TMC7: variants seen among roughly 807,000 people sequenced by gnomAD.
TMC7 encodes the protein transmembrane channel like 7.
Under a neutral mutation model 82.9 loss-of-function variants are expected in TMC7, and 54 were observed. The ratio of observed to expected loss-of-function variants is 0.65; its 90% CI spans 0.52 to 0.82. TMC7 has a LOEUF of 0.82. Among genes scored for constraint, TMC7 ranks in the 40% least tolerant of loss-of-function variants. The pLI is 0.00. For synonymous variants in TMC7, 350 were observed against 337.9 expected (o/e 1.04, Z -0.39); for missense variants, 820 against 901.2 (o/e 0.91, Z 1.15).
Position 19,050,366 on chromosome 16 carries a change from C to CAA in TMC7, c.1741-1295_1741-1294dup, listed in dbSNP as rs71143824. On this transcript the variant is annotated intron_variant, in intron 12 of 15. Coordinates refer to ENST00000304381, the MANE Select transcript of TMC7 (RefSeq NM_024847.4). ...TGGGAGACAGAGCGAGATTCCGTCT[C>CAA]AAAAAAAAAAAAAAAAAAAAAAAAA... Among the ~76,000 whole-genome samples, 109 of 83,040 alleles carry CAA rather than the reference C, an allele frequency of 1.3e-3. 4 individuals are homozygous for CAA. Among genetic ancestry groups the CAA allele is most frequent in the African/African-American group, 5.2e-3 (103 of 19,768 alleles). The allele number at this position is 83,040 out of a possible 152,430, so 54.5% of individuals were successfully genotyped here. A position where few individuals can be genotyped will look rare whatever the true frequency, so the allele number is the denominator to read the frequency against.
intron 1 of TMC7, among the ~76,000 whole-genome samples, chr16:19,003,328 A>G (rs1231566446): frequency 6.6e-6 from 1 of 152,194 alleles, no homozygotes; most frequent in East Asian, 1.9e-4. Context: ...AAAATAAAAA[A>G]TACCAGGGCA....
At chr16:19,039,884 A>T (rs1370478784) in intron 8 of TMC7, among the ~76,000 whole-genome samples, 1 of 151,992 alleles carries the variant, frequency 6.6e-6, no homozygotes, top group Non-Finnish European at 1.5e-5. Flanking sequence ...GGGAAGCCAA[A>T]GCGGGTGGAT....
chr16:19,043,868 GGCCT>G (rs1463445819), intron 9 of TMC7, among the ~76,000 whole-genome samples: 1 of 151,670 alleles, frequency 6.6e-6, no homozygotes, highest in African/African-American at 2.4e-5. Flanking sequence ...CACCGCGCCC[GGCCT>G]GCTTTTGTTT....
intron 13 of TMC7, among the ~76,000 whole-genome samples, chr16:19,052,073 G>C (rs555503172): frequency 6.6e-6 from 1 of 152,166 alleles, no homozygotes; most frequent in East Asian, 1.9e-4. Context: ...TGGGACTACA[G>C]GTGTGTTCCA....
chr16:19,030,138 C>T, intron 5 of TMC7, 86 bp from the exon 6 acceptor site: 2 of 1,405,104 alleles, frequency 1.4e-6, no homozygotes, highest in Non-Finnish European at 1.9e-6. Context: ...GACACTGGAA[C>T]TTGTGTTCCT....
At chr16:19,018,851 A>G (rs1959830340) in intron 3 of TMC7, among the ~76,000 whole-genome samples, 1 of 152,104 alleles carries the variant, frequency 6.6e-6, no homozygotes, top group Non-Finnish European at 1.5e-5. Flanking sequence ...TTGATTATCT[A>G]TTTTATTTTA....
At chr16:19,047,813 G>A (rs1177596825) in intron 12 of TMC7, among the ~76,000 whole-genome samples, 3 of 150,316 alleles carry the variant, frequency 2.0e-5, no homozygotes, top group East Asian at 2.0e-4. Context: ...CCCCAGGTTC[G>A]AGCGATTCTC....
intron 9 of TMC7, 89 bp from the exon 10 acceptor site, chr16:19,044,795 G>C: frequency 3.7e-6 from 2 of 539,250 alleles, no homozygotes; most frequent in Non-Finnish European, 6.3e-6. Flanking sequence ...AAAAAAAAAG[G>C]CAGCTTCTAC....
intron 1 of TMC7, among the ~76,000 whole-genome samples, 190 bp from the exon 2 acceptor site, chr16:19,008,982 G>A (rs1596736087): frequency 1.3e-5 from 2 of 152,128 alleles, no homozygotes; most frequent in Admixed American, 1.3e-4. Flanking sequence ...TGCAGAAAGC[G>A]AGCCCATCTG....
At chr16:19,047,713 ATTT>A (rs35266186) in intron 12 of TMC7, among the ~76,000 whole-genome samples, 169 of 123,060 alleles carry the variant, frequency 1.4e-3, no homozygotes, top group Admixed American at 1.8e-3. Flanking sequence ...CTCTTGATGG[ATTT>A]TTTTTTTTTT....
In TMC7 at chr16:18,984,042, C is replaced by T; in HGVS notation, c.-22C>T. Reference sequence around the variant, plus strand: ...GGCTGGAGAGGGTCCTCGGCAGCCTCTGAGGAGCGCGGGGCGCGGCCATGA... The same window carrying T: ...GGCTGGAGAGGGTCCTCGGCAGCCTTTGAGGAGCGCGGGGCGCGGCCATGA... On this transcript the variant is annotated 5_prime_UTR_variant, in exon 1 of 16. Transcript: ENST00000304381. 6.8e-7 allele frequency: 1 copy of T among 1,469,542 alleles called. No homozygotes were observed. Among genetic ancestry groups the T allele is most frequent in the Non-Finnish European group, 8.9e-7 (1 of 1,117,982 alleles). The allele number at this position is 1,469,542 out of a possible 1,614,324, so 91.0% of individuals were successfully genotyped here.
At chr16:19,017,893 A>G (rs1959780059) in intron 3 of TMC7, among the ~76,000 whole-genome samples, 3 of 152,046 alleles carry the variant, frequency 2.0e-5, no homozygotes, top group Admixed American at 2.0e-4. Context: ...GATGGTCTTG[A>G]TCTCCTGACC....
intron 11 of TMC7, 62 bp from the exon 12 acceptor site, chr16:19,047,001 G>T: frequency 2.8e-6 from 4 of 1,410,700 alleles, no homozygotes; most frequent in Non-Finnish European, 3.9e-6. Flanking sequence ...CCTGATCTTT[G>T]TGATATGGTT....
intron 5 of TMC7, among the ~76,000 whole-genome samples, chr16:19,029,772 C>G (rs1206346510): frequency 6.6e-6 from 1 of 151,712 alleles, no homozygotes; most frequent in Non-Finnish European, 1.5e-5. Context: ...CCTCTGCCTC[C>G]CGGGTTCAAG....
At position 19,035,751 on chromosome 16, in the gene TMC7, C is replaced by T. The variant is rs199549018; in HGVS notation, c.933C>T (p.Ala311=). ...HFQSYCNKIF[A]GWDFCITNRS... is the part of the protein sequence containing the mutation. ...AGAGTTACTGCAACAAGATATTTGC[C>T]GGCTGGGACTTCTGCATCACTAACC... Residue 311 remains alanine (A), a synonymous_variant, in exon 7 of 16, where the codon GCC becomes GCT. Coordinates refer to ENST00000304381, the MANE Select transcript of TMC7 (RefSeq NM_024847.4). 9.0e-5 allele frequency: 146 copies of T among 1,613,474 alleles called. No individual in the cohort carries two copies. The highest frequency in any genetic ancestry group is 1.2e-4 in the Non-Finnish European group (136 of 1,179,744).
intron 1 of TMC7, among the ~76,000 whole-genome samples, chr16:18,996,890 A>C (rs1328310769): frequency 6.6e-6 from 1 of 152,248 alleles, no homozygotes; most frequent in African/African-American, 2.4e-5. Flanking sequence ...TTAAACATCA[A>C]GGGAAGGCTG....
chr16:18,986,684 C>T (rs1169191825), intron 1 of TMC7, among the ~76,000 whole-genome samples: 1 of 152,194 alleles, frequency 6.6e-6, no homozygotes, highest in Non-Finnish European at 1.5e-5. Flanking sequence ...TCACCTTGAT[C>T]CTCCCTTAAC....
At chr16:18,993,127 T>G (rs2038980770) in intron 1 of TMC7, among the ~76,000 whole-genome samples, 1 of 152,084 alleles carries the variant, frequency 6.6e-6, no homozygotes, top group Non-Finnish European at 1.5e-5. Flanking sequence ...GATAGTGTGG[T>G]GGAGATAGCT....
intron 1 of TMC7, among the ~76,000 whole-genome samples, chr16:19,006,263 C>G (rs932417805): frequency 6.6e-6 from 1 of 151,440 alleles, no homozygotes; most frequent in Non-Finnish European, 1.5e-5. Flanking sequence ...TGCAATGGCA[C>G]GATCTCGGCT....
Sources: allele counts gnomAD v4.1 joint callset (sites outside exome capture counted in the v4.1 genomes callset), GRCh38; gene constraint gnomAD v4.1.1; transcripts MANE v1.5; gene names NCBI Gene and HGNC (gene_info 2026-07-23, HGNC 2026-07-21).